The following ITGAM variants were observed in gnomAD, a reference collection of about 807,000 sequenced individuals.
The protein encoded by ITGAM is integrin subunit alpha M.
Under a neutral mutation model 137.5 loss-of-function variants are expected in ITGAM, and 79 were observed. The ratio of observed to expected loss-of-function variants is 0.57; its 90% CI spans 0.48 to 0.69. The LOEUF (loss-of-function observed/expected upper bound fraction) is 0.69. ITGAM is among the 30% of genes least tolerant of loss of function. ITGAM has a pLI of 0.00. For missense variants in ITGAM, 1,343 were observed against 1,483.5 expected, an observed-to-expected ratio of 0.91 and a Z score of 1.56; for synonymous variants, 583 against 592.3, an observed-to-expected ratio of 0.98 and a Z score of 0.23.
intron 2 of ITGAM, among the ~76,000 whole-genome samples, chr16:31,265,024 C>A (rs560143941): frequency 2.6e-5 from 4 of 152,028 alleles, no homozygotes; most frequent in African/African-American, 9.7e-5. Flanking sequence ...CGCACCACCA[C>A]GTGTGGCTAA....
chr16:31,306,973 A>G (rs941485096), intron 14 of ITGAM, among the ~76,000 whole-genome samples: 9 of 151,764 alleles, frequency 5.9e-5, no homozygotes, highest in Admixed American at 6.6e-5. Flanking sequence ...AACACACATA[A>G]ACGCAAGTGA....
intron 14 of ITGAM, among the ~76,000 whole-genome samples, chr16:31,308,695 T>G (rs1049564726): frequency 3.3e-5 from 5 of 152,264 alleles, no homozygotes; most frequent in African/African-American, 1.2e-4. Flanking sequence ...TTCTGCTAGC[T>G]TTTGAATGTG....
At chr16:31,277,933 G>A in intron 11 of ITGAM, 34 bp from the exon 12 acceptor site, 4 of 1,560,020 alleles carry the variant, frequency 2.6e-6, no homozygotes, top group East Asian at 2.4e-5. Flanking sequence ...AGGGGGCAGG[G>A]AATGCACTTC....
intron 12 of ITGAM, among the ~76,000 whole-genome samples, chr16:31,285,825 G>T (rs8060163): frequency 0.14 from 21,185 of 149,254 alleles, 1,651 homozygotes; most frequent in African/African-American, 0.19. Context: ...TAGAGACAGG[G>T]TCTCACTATG....
chr16:31,265,546 C>A, intron 3 of ITGAM, 48 bp downstream of exon 3: 2 of 1,279,556 alleles, frequency 1.6e-6, no homozygotes, highest in Non-Finnish European at 1.1e-6. Context: ...CCTGTGAACA[C>A]ATAGGGACTT....
chr16:31,290,249 T>C (rs1450850594), intron 12 of ITGAM, among the ~76,000 whole-genome samples: 2 of 151,594 alleles, frequency 1.3e-5, no homozygotes, highest in African/African-American at 4.9e-5. Flanking sequence ...GGGCTGGGGG[T>C]TGGACTGGGG....
At position 31,321,323 on chromosome 16, in the gene ITGAM, G is replaced by C. The variant is rs199700282; in HGVS notation, c.1790G>C (p.Gly597Ala). 6.2e-7 allele frequency: 1 copy of C among 1,614,024 alleles called. No individual in the cohort carries two copies. The highest frequency in any genetic ancestry group is 8.5e-7 in the Non-Finnish European group (1 of 1,179,886). The change falls in exon 15 of 30, where the codon GGA (glycine) becomes GCA (alanine). Residue 597 changes from glycine (G) to alanine (A), a missense_variant. Transcript: ENST00000544665. ...LSGGQDLTMDGLVDLTVGAQG... is the reference protein window; with the variant it reads ...LSGGQDLTMDALVDLTVGAQG... ...GGGGGCCAGGACCTCACAATGGATG[G>C]ACTGGTAGACCTGACTGTAGGAGCC...
At chr16:31,330,678 A>G in intron 28 of ITGAM, 73 bp downstream of exon 28, 1 of 1,062,782 alleles carries the variant, frequency 9.4e-7, no homozygotes, top group Non-Finnish European at 1.4e-6. Flanking sequence ...GGGGGAGGAG[A>G]GAGAGACACA....
At chr16:31,262,473 G>A (rs1387311965) in intron 2 of ITGAM, among the ~76,000 whole-genome samples, 1 of 151,492 alleles carries the variant, frequency 6.6e-6, no homozygotes, top group African/African-American at 2.4e-5. Flanking sequence ...TGAAATCATA[G>A]CTCACTGTAG....
At chr16:31,309,385 T>G (rs1272958231) in intron 14 of ITGAM, among the ~76,000 whole-genome samples, 1 of 121,076 alleles carries the variant, frequency 8.3e-6, no homozygotes, top group Non-Finnish European at 1.7e-5. Flanking sequence ...CTTGTTGAAT[T>G]GATCCCTTTA....
intron 28 of ITGAM, 110 bp downstream of exon 28, chr16:31,330,715 G>A: frequency 1.3e-6 from 1 of 754,032 alleles, no homozygotes; most frequent in Non-Finnish European, 2.1e-6. Flanking sequence ...GAGAGACAGA[G>A]CGACAGAGAG....
At chr16:31,307,468 G>T (rs1448947023) in intron 14 of ITGAM, among the ~76,000 whole-genome samples, 3 of 152,148 alleles carry the variant, frequency 2.0e-5, no homozygotes, top group African/African-American at 7.2e-5. Context: ...TGGTGTGTAA[G>T]AATGCTTGTG....
Position 31,330,223 on chromosome 16 carries a change from A to G in ITGAM, c.3060+59A>G, listed in dbSNP as rs1300029888. The G allele has an allele frequency of 8.8e-6, 14 of 1,593,842 alleles. No individual in the cohort carries two copies. In the Admixed American group the frequency reaches 2.2e-4, roughly 25 times the overall value. ...AGACCCAGAGCGCTTCCCTGCTGGA[A>G]CCTGTATGGTCTCTGAGCAAACGGG... On this transcript the variant is annotated intron_variant, in intron 26 of 29. Coordinates refer to ENST00000544665, the MANE Select transcript of ITGAM (RefSeq NM_000632.4).
At chr16:31,292,759 T>C (rs2080099205) in intron 12 of ITGAM, among the ~76,000 whole-genome samples, 1 of 152,208 alleles carries the variant, frequency 6.6e-6, no homozygotes, top group Non-Finnish European at 1.5e-5. Context: ...GGATGATATA[T>C]ATTACTCTGG....
In ITGAM at chr16:31,278,024, C is replaced by T; in HGVS notation, c.1271C>T (p.Pro424Leu). ...NRVQSLVLGA[P>L]RYQHIGLVAM... ...GTGCAAAGCCTGGTTCTGGGGGCAC[C>T]TCGATATCAGCACATCGGCCTGGTA... The change falls in exon 12 of 30, where the codon CCT becomes CTT. Residue 424 changes from proline (P) to leucine (L), a missense_variant. Transcript: ENST00000544665. The T allele has an allele frequency of 6.2e-7, 1 of 1,606,526 alleles. No individual in the cohort carries two copies. Among genetic ancestry groups the T allele is most frequent in the South Asian group, 1.1e-5 (1 of 89,448 alleles).
chr16:31,311,219 C>T (rs1333043360), intron 14 of ITGAM, among the ~76,000 whole-genome samples: 1 of 152,182 alleles, frequency 6.6e-6, no homozygotes, highest in Non-Finnish European at 1.5e-5. Flanking sequence ...AGGACATAGG[C>T]ATGGGCAAGG....
Position 31,297,803 on chromosome 16 carries a change from G to A in ITGAM, c.1556G>A (p.Arg519His), listed in dbSNP as rs370878031. ...GGGGAGCAGGGCCAACCCTGGGGCC[G>A]CTTTGGGGCAGCCCTAACAGTGCTG... Reference protein sequence around the residue: ...LYGEQGQPWGRFGAALTVLGD... With the variant: ...LYGEQGQPWGHFGAALTVLGD... Residue 519 changes from arginine to histidine, a missense_variant, in exon 14 of 30, where the codon CGC becomes CAC. By Grantham distance (29) the Arg-to-His change is conservative. Coordinates refer to ENST00000544665, the MANE Select transcript of ITGAM (RefSeq NM_000632.4). 27 of 1,609,538 alleles carry A rather than the reference G, an allele frequency of 1.7e-5. No individual in the cohort carries two copies. The highest frequency in any genetic ancestry group is 8.8e-5 in the South Asian group (8 of 90,830).
intron 2 of ITGAM, among the ~76,000 whole-genome samples, chr16:31,264,245 G>A (rs1010579498): frequency 1.3e-4 from 20 of 151,920 alleles, no homozygotes; most frequent in African/African-American, 4.8e-4. Context: ...CCAGGAGTTC[G>A]AGACTACCCT....
chr16:31,264,573 G>A (rs558385527), intron 2 of ITGAM, among the ~76,000 whole-genome samples: 1 of 152,282 alleles, frequency 6.6e-6, no homozygotes, highest in Admixed American at 6.5e-5. Flanking sequence ...GAGCCCAGGA[G>A]GCAGAGGTTG....
Sources: gnomAD v4.1 joint callset for allele counts (sites outside exome capture counted in the v4.1 genomes callset) on GRCh38, gnomAD v4.1.1 for gene constraint, MANE v1.5 for transcripts, NCBI Gene and HGNC (gene_info 2026-07-23, HGNC 2026-07-21) for gene names.